Variants in TTC34 observed in about 807,000 individuals in gnomAD.
TTC34 encodes tetratricopeptide repeat protein 34.
In TTC34, 44 loss-of-function variants were observed where a neutral mutation model predicts 40.7. The ratio of observed to expected loss-of-function variants is 1.08; its 90% CI spans 0.85 to 1.39. The LOEUF is 1.39. TTC34 is among the 40% of genes most tolerant of loss of function. The pLI, the probability that TTC34 is intolerant of heterozygous loss-of-function variation, is 0.00. For synonymous variants in TTC34, 422 were observed against 398.6 expected, an observed-to-expected ratio of 1.06 and a Z score of -0.70; for missense variants, 884 against 838.0, an observed-to-expected ratio of 1.05 and a Z score of -0.68.
chr1:2,785,858 C>T, exon 5 of TTC34: 2 of 1,545,658 alleles, frequency 1.3e-6, no homozygotes, highest in Non-Finnish European at 1.7e-6. Context: ...GCGATGGCCT[C>T]CTTGGTGTGA....
Position 2,751,209 on chromosome 1 carries a change from C to T in TTC34, c.2226+32400G>A, listed in dbSNP as rs1336696271. On this transcript the variant is annotated intron_variant, in intron 6 of 8. Coordinates refer to ENST00000401095, the Ensembl canonical transcript of TTC34. Reference sequence around the variant, plus strand: ...GACAGCCTGGAGCAGCACCCACACCCTCAGGTGAGCATCTGACAGCCTGGA... The same window carrying T: ...GACAGCCTGGAGCAGCACCCACACCTTCAGGTGAGCATCTGACAGCCTGGA... Among the ~76,000 whole-genome samples, 19 of 115,106 alleles carry T rather than the reference C, an allele frequency of 1.7e-4. 5 individuals are homozygous for T. The highest frequency in any genetic ancestry group is 2.4e-4 in the Non-Finnish European group (14 of 57,824). 75.5% of individuals were successfully genotyped at this position (115,106 alleles called of 152,430 possible). A position where few individuals can be genotyped will look rare whatever the true frequency, so the allele number is the denominator to read the frequency against.
intron 6 of TTC34, among the ~76,000 whole-genome samples, chr1:2,659,966 A>G (rs1286863882): frequency 6.6e-6 from 1 of 152,220 alleles, no homozygotes; most frequent in Middle Eastern, 3.2e-3. Context: ...TGTGCCTCTG[A>G]CAGCTTGGAA....
Position 2,785,800 on chromosome 1 carries a change from G to C in TTC34, c.2059+19C>G. On this transcript the variant is annotated intron_variant, in intron 5 of 8. Transcript: ENST00000401095. The stretch of plus-strand genomic sequence containing the variant: ...CCTGGCACAAGACTGGGCCCTGGGG[G>C]CAGGTGGGCAGCTCCTACCTGCGGC... The C allele has an allele frequency of 2.6e-6, 4 of 1,540,488 alleles. No homozygotes were observed. The highest frequency in any genetic ancestry group is 1.2e-5 in the South Asian group (1 of 83,106).
At chr1:2,752,700 T>G (rs1641363743) in intron 6 of TTC34, among the ~76,000 whole-genome samples, 1 of 139,802 alleles carries the variant, frequency 7.2e-6, no homozygotes, top group East Asian at 2.3e-4. Flanking sequence ...TACGCCCAGA[T>G]GAGCATCTGA....
At position 2,692,262 on chromosome 1, in the gene TTC34, C is replaced by A. The variant is rs1255961321; in HGVS notation, c.2227-46699G>T. 2.6e-5 allele frequency among the ~76,000 whole-genome samples: 2 copies of A among 76,970 alleles called. 1 individual carries two copies. Among genetic ancestry groups the A allele is most frequent in the African/African-American group, 8.4e-5 (2 of 23,896 alleles). 50.5% of individuals were successfully genotyped at this position (76,970 alleles called of 152,430 possible). ...ATCCGACAGCCTGGAGCAGCACCCACACCCTCAGGTGAGCATCTGACAGCC... is the reference window on the plus strand; with the variant it reads ...ATCCGACAGCCTGGAGCAGCACCCAAACCCTCAGGTGAGCATCTGACAGCC... On this transcript the variant is annotated intron_variant, in intron 6 of 8. Transcript: ENST00000401095.
At chr1:2,754,192 C>G (rs1641422056) in intron 6 of TTC34, among the ~76,000 whole-genome samples, 2 of 52,842 alleles carry the variant, frequency 3.8e-5, no homozygotes, top group Admixed American at 1.8e-4. Flanking sequence ...AGGTGAGCAT[C>G]TGACAGCCTG....
chr1:2,786,990 C>A (rs1643599184), intron 4 of TTC34, among the ~76,000 whole-genome samples: 1 of 152,146 alleles, frequency 6.6e-6, no homozygotes, highest in African/African-American at 2.4e-5. Flanking sequence ...AACCTTTAGA[C>A]CCCAGTTCAA....
At chr1:2,791,579 G>A (rs537456757) in intron 2 of TTC34, among the ~76,000 whole-genome samples, 5 of 152,286 alleles carry the variant, frequency 3.3e-5, no homozygotes, top group Admixed American at 1.3e-4. Flanking sequence ...AAGGTGTCTC[G>A]TGCCCTGAGA....
chr1:2,748,739 C>G (rs1347349985), intron 6 of TTC34, among the ~76,000 whole-genome samples: 2 of 61,428 alleles, frequency 3.3e-5, no homozygotes, highest in Non-Finnish European at 5.8e-5. Flanking sequence ...GAGCATCTGA[C>G]AGACTGGAAC....
At chr1:2,760,018 G>A (rs1177260342) in intron 6 of TTC34, among the ~76,000 whole-genome samples, 1 of 126,862 alleles carries the variant, frequency 7.9e-6, no homozygotes, top group South Asian at 2.9e-4. Flanking sequence ...GTGAGCATCG[G>A]AGAGTCCGGA....
chr1:2,791,870 C>T (rs948823683), intron 2 of TTC34, among the ~76,000 whole-genome samples: 1 of 152,042 alleles, frequency 6.6e-6, no homozygotes, highest in Admixed American at 6.6e-5. Flanking sequence ...CCCCAGGTCA[C>T]CCAGCCTCTG....
intron 6 of TTC34, among the ~76,000 whole-genome samples, chr1:2,692,507 C>T (rs865835197): frequency 9.6e-5 from 6 of 62,790 alleles, no homozygotes; most frequent in East Asian, 3.9e-4. Context: ...GCCTGCACCC[C>T]CAGGTGTGCA....
chr1:2,754,777 A>G (rs1641448097), intron 6 of TTC34, among the ~76,000 whole-genome samples: 1 of 150,992 alleles, frequency 6.6e-6, no homozygotes, highest in Admixed American at 6.6e-5. Flanking sequence ...CAGCACCCAC[A>G]CCCACAGGTG....
intron 6 of TTC34, among the ~76,000 whole-genome samples, chr1:2,686,407 G>C (rs1640349415): frequency 6.6e-6 from 1 of 151,502 alleles, no homozygotes; most frequent in Non-Finnish European, 1.5e-5. Context: ...ACACCCACAG[G>C]TGAGCATCTG....
At chr1:2,651,955 ACCT>A in intron 6 of TTC34, among the ~76,000 whole-genome samples, 1 of 151,960 alleles carries the variant, frequency 6.6e-6, no homozygotes. Context: ...CTGAAGCAGC[ACCT>A]TCCACCTCTA....
At chr1:2,690,124 G>A (rs1482289206) in intron 6 of TTC34, among the ~76,000 whole-genome samples, 1 of 147,112 alleles carries the variant, frequency 6.8e-6, no homozygotes, top group South Asian at 2.2e-4. Flanking sequence ...TGACTGCCTG[G>A]AACAGCACCC....
At chr1:2,787,349 TG>T in intron 4 of TTC34, 131 bp downstream of exon 4, 1 of 756,134 alleles carries the variant, frequency 1.3e-6, no homozygotes, top group Non-Finnish European at 2.0e-6. Flanking sequence ...GGTGCAGAGC[TG>T]GGGCTGAATG....
Position 2,700,053 on chromosome 1 carries a change from C to T in TTC34, c.2227-54490G>A. On this transcript the variant is annotated intron_variant, in intron 6 of 8. Transcript: ENST00000401095. ...TGATAGCCTGGAGCAGCGCCCACAC[C>T]CAGAGGTGAGCATATGACCACCTGG... Among the ~76,000 whole-genome samples the T allele has an allele frequency of 1.6e-5, 2 of 122,426 alleles. 1 individual carries two copies. Among genetic ancestry groups the T allele is most frequent in the African/African-American group, 5.3e-5 (2 of 37,878 alleles). The allele number at this position is 122,426 out of a possible 152,430, so 80.3% of individuals were successfully genotyped here.
Position 2,753,539 on chromosome 1 carries a change from C to A in TTC34, c.2226+30070G>T, listed in dbSNP as rs1443941478. ...ACGGCCTGCAACAGCACCCACACCC[C>A]CATGTGAGCATCTGACTGCCTGGAA... On this transcript the variant is annotated intron_variant, in intron 6 of 8. Coordinates refer to ENST00000401095, the Ensembl canonical transcript of TTC34. 4.2e-5 allele frequency among the ~76,000 whole-genome samples: 4 copies of A among 95,694 alleles called. 1 individual carries two copies. The highest frequency in any genetic ancestry group is 5.7e-5 in the Non-Finnish European group (3 of 52,212). The allele number at this position is 95,694 out of a possible 152,430, so 62.8% of individuals were successfully genotyped here. A position where few individuals can be genotyped will look rare whatever the true frequency, so the allele number is the denominator to read the frequency against.
Sources: allele counts gnomAD v4.1 joint callset (sites outside exome capture counted in the v4.1 genomes callset), GRCh38; gene constraint gnomAD v4.1.1; transcripts MANE v1.5; gene names NCBI Gene and HGNC (gene_info 2026-07-23, HGNC 2026-07-21).